TENM3: variants seen among roughly 807,000 people sequenced by gnomAD.
TENM3 encodes the protein teneurin-3.
TENM3 carries 63 observed loss-of-function variants against 255.1 expected under a neutral mutation model. The observed-to-expected ratio is 0.25, with a 90% CI of 0.20 to 0.30. The LOEUF is 0.30. TENM3 is among the 10% of genes least tolerant of loss of function. The probability of loss-of-function intolerance (pLI) is 1.00; values close to 1 mark genes in which losing one functional copy is unlikely to be tolerated. For missense variants in TENM3, 2,929 were observed against 3,461.1 expected, an observed-to-expected ratio of 0.85 and a Z score of 3.86; for synonymous variants, 1,306 against 1,322.3, an observed-to-expected ratio of 0.99 and a Z score of 0.27.
At chr4:181,576,817 T>C in the TENM3 span, among the ~76,000 whole-genome samples, 1 of 141,584 alleles carries the variant, frequency 7.1e-6, no homozygotes, top group Non-Finnish European at 1.5e-5. Flanking sequence ...TTTTCTTTTT[T>C]TTTTTTTTTT....
the TENM3 span, among the ~76,000 whole-genome samples, chr4:181,902,435 G>A: frequency 0.35 from 52,957 of 151,934 alleles, 9,390 homozygotes; most frequent in East Asian, 0.5. Context: ...TTGCCCCAAA[G>A]GATTGTAGAT....
chr4:182,427,435 A>G (rs575500323), intron 3 of TENM3, among the ~76,000 whole-genome samples: 1 of 152,296 alleles, frequency 6.6e-6, no homozygotes, highest in South Asian at 2.1e-4. Context: ...CCAGGATGGA[A>G]CTACTTGGCT....
the TENM3 span, among the ~76,000 whole-genome samples, chr4:181,591,256 C>T: frequency 6.6e-6 from 1 of 152,160 alleles, no homozygotes; most frequent in Non-Finnish European, 1.5e-5. Context: ...ATAACTGAAA[C>T]TCACACACAT....
the TENM3 span, among the ~76,000 whole-genome samples, chr4:181,847,990 A>G: frequency 3.4e-4 from 51 of 152,206 alleles, 1 homozygote; most frequent in Non-Finnish European, 7.4e-5. Flanking sequence ...ACTGAAGTTA[A>G]AGACCAGAGA....
At chr4:182,651,079 G>T (rs1416061270) in intron 5 of TENM3, among the ~76,000 whole-genome samples, 1 of 151,912 alleles carries the variant, frequency 6.6e-6, no homozygotes, top group Non-Finnish European at 1.5e-5. Flanking sequence ...AATCTATCAG[G>T]CAAGAAGACT....
the TENM3 span, among the ~76,000 whole-genome samples, chr4:182,111,148 T>C: frequency 1.7e-4 from 25 of 150,670 alleles, no homozygotes; most frequent in Middle Eastern, 0.014. Flanking sequence ...ATTAAAACTT[T>C]GGAATAAAAA....
chr4:182,143,790 G>T (rs921745572), upstream of TENM3: 2 of 152,562 alleles, frequency 1.3e-5, no homozygotes, highest in Non-Finnish European at 2.9e-5. The surrounding 1 kb of genome is among the most constrained non-coding windows in gnomAD (Gnocchi z 4.3). Flanking sequence ...CCTCATCAGA[G>T]CCGAAAGCCG....
At chr4:182,454,516 T>G (rs998026820) in intron 3 of TENM3, among the ~76,000 whole-genome samples, 3 of 152,168 alleles carry the variant, frequency 2.0e-5, no homozygotes, top group Non-Finnish European at 4.4e-5. Flanking sequence ...TTCAAACTGT[T>G]TTTAAGCTAG....
At chr4:181,549,299 C>G in the TENM3 span, among the ~76,000 whole-genome samples, 1 of 152,192 alleles carries the variant, frequency 6.6e-6, no homozygotes, top group African/African-American at 2.4e-5. Context: ...TGCTGGCAAT[C>G]GCCAGGAGGA....
the TENM3 span, among the ~76,000 whole-genome samples, chr4:182,015,303 C>A: frequency 1.3e-5 from 2 of 152,176 alleles, no homozygotes; most frequent in Admixed American, 6.5e-5. Context: ...CTATGTCTCA[C>A]GGCAGCCAGG....
chr4:182,027,433 A>G, the TENM3 span, among the ~76,000 whole-genome samples: 3 of 151,992 alleles, frequency 2.0e-5, no homozygotes, highest in African/African-American at 7.2e-5. Flanking sequence ...GGATAATTTG[A>G]CTTCTTCTTT....
chr4:182,529,496 T>A (rs116336025), intron 3 of TENM3, among the ~76,000 whole-genome samples: 2 of 152,156 alleles, frequency 1.3e-5, no homozygotes. Flanking sequence ...TTGTCTAGGG[T>A]TGTGAATCCA....
the TENM3 span, among the ~76,000 whole-genome samples, chr4:181,688,599 C>T: frequency 6.6e-6 from 1 of 152,142 alleles, no homozygotes; most frequent in African/African-American, 2.4e-5. Context: ...TTTGAATGTG[C>T]ATCTTGACCC....
chr4:182,269,481 A>G (rs564871322), intron 1 of TENM3, among the ~76,000 whole-genome samples: 1 of 152,264 alleles, frequency 6.6e-6, no homozygotes, highest in Non-Finnish European at 1.5e-5. Flanking sequence ...AATTAAGTAG[A>G]CGATCACTGA....
intron 3 of TENM3, among the ~76,000 whole-genome samples, chr4:182,507,332 G>A (rs1419098699): frequency 6.6e-6 from 1 of 152,100 alleles, no homozygotes; most frequent in Non-Finnish European, 1.5e-5. Context: ...CAGCTTTACT[G>A]TTTTCTTTTT....
chr4:181,841,360 T>C, the TENM3 span, among the ~76,000 whole-genome samples: 2 of 152,134 alleles, frequency 1.3e-5, no homozygotes, highest in Admixed American at 6.5e-5. Context: ...ATCAATTGCA[T>C]CAGAGCATCT....
chr4:181,537,063 A>C, the TENM3 span, among the ~76,000 whole-genome samples: 1 of 152,134 alleles, frequency 6.6e-6, no homozygotes, highest in Admixed American at 6.5e-5. Context: ...AAAACTTTAT[A>C]TGTTTATATT....
At chr4:181,570,335 A>G in the TENM3 span, among the ~76,000 whole-genome samples, 1 of 152,126 alleles carries the variant, frequency 6.6e-6, no homozygotes, top group South Asian at 2.1e-4. Context: ...GTGACCTACA[A>G]ATGTTTCTTA....
the TENM3 span, among the ~76,000 whole-genome samples, chr4:181,834,406 T>A: frequency 6.6e-6 from 1 of 152,242 alleles, no homozygotes. Flanking sequence ...TTTTAAAATA[T>A]GGGCTTAATC....
Sources: allele counts gnomAD v4.1 joint callset (sites outside exome capture counted in the v4.1 genomes callset), GRCh38; gene constraint gnomAD v4.1.1; non-coding constraint Gnocchi (gnomAD v3.1); transcripts MANE v1.5; gene names NCBI Gene and HGNC (gene_info 2026-07-23, HGNC 2026-07-21).